Variants in PKNOX2 observed in about 807,000 individuals in gnomAD.
The protein encoded by PKNOX2 is PBX/knotted 1 homeobox 2.
In PKNOX2, 14 loss-of-function variants were observed where a neutral mutation model predicts 53.1. The ratio of observed to expected loss-of-function variants is 0.26; its 90% CI spans 0.17 to 0.41. The LOEUF is 0.41. Ranked by LOEUF, PKNOX2 falls within the 10% of genes least tolerant of loss-of-function variation. PKNOX2 has a pLI of 1.00. For synonymous variants in PKNOX2, 257 were observed against 242.8 expected, an observed-to-expected ratio of 1.06 and a Z score of -0.54; for missense variants, 496 against 602.8, an observed-to-expected ratio of 0.82 and a Z score of 1.85.
intron 4 of PKNOX2, among the ~76,000 whole-genome samples, chr11:125,364,457 C>T (rs528006611): frequency 6.6e-6 from 1 of 152,184 alleles, no homozygotes; most frequent in Non-Finnish European, 1.5e-5. Flanking sequence ...GCCTTCCCCC[C>T]ACACCTTTCC....
At chr11:125,296,745 C>T (rs1947686582) in intron 2 of PKNOX2, among the ~76,000 whole-genome samples, 1 of 152,176 alleles carries the variant, frequency 6.6e-6, no homozygotes, top group African/African-American at 2.4e-5. Flanking sequence ...AAGCGATTCT[C>T]CTGCTTCAGC....
At chr11:125,309,987 G>A (rs1375958117) in intron 2 of PKNOX2, among the ~76,000 whole-genome samples, 1 of 152,208 alleles carries the variant, frequency 6.6e-6, no homozygotes, top group African/African-American at 2.4e-5. Context: ...TTCCGGTTCC[G>A]CCATTCAAGC....
intron 7 of PKNOX2, 101 bp from the exon 8 acceptor site, chr11:125,410,094 AG>A (rs922641744): frequency 1.4e-6 from 2 of 1,464,680 alleles, no homozygotes; most frequent in Non-Finnish European, 9.2e-7. Context: ...AGAAGGAGGG[AG>A]GGGGGCAGGC....
chr11:125,251,053 A>G (rs56664704), intron 2 of PKNOX2, among the ~76,000 whole-genome samples: 34,165 of 151,944 alleles, frequency 0.22, 4,124 homozygotes, highest in East Asian at 0.47. Flanking sequence ...GCGCCCCTCC[A>G]CCCCCTGGCA....
chr11:125,415,308 G>A (rs556067354), intron 10 of PKNOX2, among the ~76,000 whole-genome samples: 4 of 141,710 alleles, frequency 2.8e-5, no homozygotes, highest in East Asian at 2.2e-4. Context: ...GCAATGGCAC[G>A]ATCTTGGCTC....
At chr11:125,228,481 C>T (rs1468209563) in intron 1 of PKNOX2, among the ~76,000 whole-genome samples, 1 of 152,088 alleles carries the variant, frequency 6.6e-6, no homozygotes. Context: ...GCTTTCTGGC[C>T]CACCACACCT....
intron 7 of PKNOX2, among the ~76,000 whole-genome samples, chr11:125,405,130 C>T (rs7944500): frequency 0.028 from 4,285 of 152,322 alleles, 173 homozygotes; most frequent in African/African-American, 0.088. Flanking sequence ...TCACCGTCAC[C>T]CACCCTCCCA....
chr11:125,382,409 A>G (rs1953309815), intron 5 of PKNOX2, among the ~76,000 whole-genome samples: 1 of 152,232 alleles, frequency 6.6e-6, no homozygotes, highest in Non-Finnish European at 1.5e-5. Flanking sequence ...CGCAGCTGCC[A>G]CGGGGTTGCA....
chr11:125,345,986 C>T (rs1950949271), intron 3 of PKNOX2, among the ~76,000 whole-genome samples: 1 of 152,090 alleles, frequency 6.6e-6, no homozygotes, highest in South Asian at 2.1e-4. Context: ...TTGGACGCGG[C>T]GTTGGGGCTG....
At chr11:125,260,051 T>TGTTTTTTG (rs1944723595) in intron 2 of PKNOX2, among the ~76,000 whole-genome samples, 1 of 151,952 alleles carries the variant, frequency 6.6e-6, no homozygotes, top group Non-Finnish European at 1.5e-5. Context: ...TTTGCTTGTT[T>TGTTTTTTG]GTTTTTTGTA....
At chr11:125,178,113 C>CTCCA (rs1955832911) in intron 1 of PKNOX2, among the ~76,000 whole-genome samples, 4 of 152,242 alleles carry the variant, frequency 2.6e-5, no homozygotes, top group South Asian at 4.2e-4. Context: ...GAAACCATCC[C>CTCCA]TCCATCCATC....
intron 3 of PKNOX2, among the ~76,000 whole-genome samples, chr11:125,342,625 G>T (rs1950754136): frequency 6.6e-6 from 1 of 152,220 alleles, no homozygotes; most frequent in Non-Finnish European, 1.5e-5. Flanking sequence ...TCTCAGCTCA[G>T]TGCCTGAGCG....
intron 5 of PKNOX2, among the ~76,000 whole-genome samples, chr11:125,371,791 G>C (rs1343820738): frequency 6.6e-6 from 1 of 152,194 alleles, no homozygotes; most frequent in Non-Finnish European, 1.5e-5. Flanking sequence ...AGCTGGGCTG[G>C]AGGCATGAGC....
chr11:125,260,346 G>A (rs1371021566), intron 2 of PKNOX2, among the ~76,000 whole-genome samples: 3 of 152,050 alleles, frequency 2.0e-5, no homozygotes, highest in African/African-American at 7.2e-5. Context: ...CTACAGGCAC[G>A]TGCCACCACA....
chr11:125,224,999 G>A (rs1941568816), intron 1 of PKNOX2, among the ~76,000 whole-genome samples: 1 of 152,216 alleles, frequency 6.6e-6, no homozygotes, highest in African/African-American at 2.4e-5. Flanking sequence ...CCCTCCAGTG[G>A]CCTTCGGATG....
chr11:125,409,425 T>C lies in PKNOX2; in HGVS notation c.589-771T>C, dbSNP rs181217898. Among the ~76,000 whole-genome samples, 82 of 152,306 alleles carry C rather than the reference T, an allele frequency of 5.4e-4. 1 individual carries two copies. In the East Asian group the frequency reaches 0.015, roughly 28 times the overall value. On this transcript the variant is annotated intron_variant, in intron 7 of 12. Transcript: ENST00000298282. ...AGAGTCTGTTTCCAGTGGAATCCTG[T>C]GGGCAGCCTGAGGAAGAGAACAGGA...
intron 2 of PKNOX2, among the ~76,000 whole-genome samples, chr11:125,319,840 C>G (rs1237654294): frequency 6.6e-6 from 1 of 152,134 alleles, no homozygotes; most frequent in African/African-American, 2.4e-5. Flanking sequence ...TGGGAAGAAG[C>G]ATGGCTTGTT....
At chr11:125,424,034 T>C (rs951788758) in intron 10 of PKNOX2, among the ~76,000 whole-genome samples, 69 of 151,910 alleles carry the variant, frequency 4.5e-4, no homozygotes, top group African/African-American at 1.6e-3. Flanking sequence ...TCATCATGTT[T>C]AGGATGTAAC....
rs369895427 is a variant in PKNOX2, at chr11:125,397,990, C to T, written c.516C>T (p.Ser172=). 1.1e-4 allele frequency: 179 copies of T among 1,614,030 alleles called. No individual in the cohort carries two copies. Among genetic ancestry groups the T allele is most frequent in the Non-Finnish European group, 1.4e-4 (160 of 1,180,006 alleles). The change falls in exon 7 of 13, where the codon AGC becomes AGT. Residue 172 remains serine (S), a synonymous_variant. Coordinates refer to ENST00000298282, the MANE Select transcript of PKNOX2 (RefSeq NM_001382323.2). ...YITCLKTKMH[S]DNLLRNDLGG... ...CCTGCCTCAAAACCAAGATGCACAG[C>T]GACAACCTGCTCAGGAATGATCTAG...
Sources: gnomAD v4.1 joint callset for allele counts (sites outside exome capture counted in the v4.1 genomes callset) on GRCh38, gnomAD v4.1.1 for gene constraint, MANE v1.5 for transcripts, NCBI Gene and HGNC (gene_info 2026-07-23, HGNC 2026-07-21) for gene names.